The following MALRD1 variants were observed in gnomAD, a reference collection of about 807,000 sequenced individuals.
MALRD1 encodes MAM and LDL receptor class A domain containing 1.
Under a neutral mutation model 242.1 loss-of-function variants are expected in MALRD1, and 247 were observed. The observed-to-expected ratio is 1.02, with a 90% CI of 0.92 to 1.13. The LOEUF (loss-of-function observed/expected upper bound fraction) is 1.13. MALRD1 is among the 50% of genes most tolerant of loss of function. The pLI is 0.00. For synonymous variants in MALRD1, 995 were observed against 866.6 expected (o/e 1.15, Z -2.60); for missense variants, 2,989 against 2,533.1 (o/e 1.18, Z -3.86).
chr10:19,673,103 T>C (rs1053376462), intron 36 of MALRD1, among the ~76,000 whole-genome samples: 2 of 152,006 alleles, frequency 1.3e-5, no homozygotes, highest in South Asian at 4.1e-4. Flanking sequence ...TTGCCTTTGG[T>C]CGGGCGCAGT....
intron 33 of MALRD1, among the ~76,000 whole-genome samples, chr10:19,587,063 C>G (rs1370918510): frequency 2.0e-5 from 3 of 152,230 alleles, no homozygotes; most frequent in Non-Finnish European, 4.4e-5. Flanking sequence ...CCGAGTGAGG[C>G]AATGCCTCGC....
At chr10:19,224,129 C>G (rs938267382) in intron 18 of MALRD1, among the ~76,000 whole-genome samples, 1 of 152,154 alleles carries the variant, frequency 6.6e-6, no homozygotes, top group East Asian at 1.9e-4. Context: ...GCTACACTGT[C>G]TTCCACAATG....
chr10:19,080,858 C>T (rs1335460580), intron 2 of MALRD1, among the ~76,000 whole-genome samples: 1 of 152,012 alleles, frequency 6.6e-6, no homozygotes, highest in Admixed American at 6.6e-5. Context: ...AAAATGTTTT[C>T]AGTCTATTTA....
In MALRD1 at chr10:19,170,602, G is replaced by T. The variant is rs181685387; in HGVS notation, c.1831-4606G>T. Among the ~76,000 whole-genome samples the T allele has an allele frequency of 4.4e-4, 67 of 152,040 alleles. 1 individual carries two copies. In the South Asian group the frequency reaches 0.011, roughly 25 times the overall value. On this transcript the variant is annotated intron_variant, in intron 13 of 39. Coordinates refer to ENST00000454679, the MANE Select transcript of MALRD1 (RefSeq NM_001142308.3). Reference sequence around the variant, plus strand: ...TGATCGAGTCTCCGTAAAGTTGCTGGGTCCTTGGCCTGCTTAATCTAGAGC... The same window carrying T: ...TGATCGAGTCTCCGTAAAGTTGCTGTGTCCTTGGCCTGCTTAATCTAGAGC...
At chr10:19,094,437 G>A (rs1158653718) in intron 4 of MALRD1, among the ~76,000 whole-genome samples, 11 of 147,790 alleles carry the variant, frequency 7.4e-5, no homozygotes, top group African/African-American at 1.5e-4. Flanking sequence ...GCAATGCCTC[G>A]CCCTGCTTCG....
chr10:19,409,116 G>A (rs1589035450), intron 28 of MALRD1, among the ~76,000 whole-genome samples: 1 of 152,306 alleles, frequency 6.6e-6, no homozygotes, highest in Admixed American at 6.5e-5. Context: ...TAAATAAATT[G>A]TGGTACATCC....
chr10:19,173,881 C>T (rs577389369), intron 13 of MALRD1, among the ~76,000 whole-genome samples: 24 of 152,140 alleles, frequency 1.6e-4, no homozygotes, highest in South Asian at 2.1e-4. Flanking sequence ...ATGTATCATA[C>T]GAAGTGTAGG....
At chr10:19,318,158 TAA>T (rs1444269825) in intron 21 of MALRD1, among the ~76,000 whole-genome samples, 1 of 152,036 alleles carries the variant, frequency 6.6e-6, no homozygotes, top group Non-Finnish European at 1.5e-5. Context: ...TATGCTTGAA[TAA>T]TCTCATTGCA....
intron 28 of MALRD1, among the ~76,000 whole-genome samples, chr10:19,396,141 CTTTTT>C (rs71387076): frequency 1.1e-4 from 11 of 103,934 alleles, no homozygotes; most frequent in Non-Finnish European, 1.8e-4. Flanking sequence ...TTTTTTTTTT[CTTTTT>C]TTTTTTTTTT....
intron 28 of MALRD1, among the ~76,000 whole-genome samples, chr10:19,411,895 G>C (rs1372956694): frequency 1.3e-5 from 2 of 152,214 alleles, no homozygotes. Context: ...TGTGTAAGCT[G>C]TTAAAAAATT....
intron 29 of MALRD1, among the ~76,000 whole-genome samples, chr10:19,461,699 G>A (rs1167479575): frequency 6.6e-6 from 1 of 151,916 alleles, no homozygotes; most frequent in Non-Finnish European, 1.5e-5. Context: ...TTAAAAATTG[G>A]CTGGTGTGGT....
intron 4 of MALRD1, among the ~76,000 whole-genome samples, chr10:19,095,022 C>G (rs1408601315): frequency 6.6e-6 from 1 of 152,084 alleles, no homozygotes; most frequent in Non-Finnish European, 1.5e-5. Flanking sequence ...CTCTGTGAGT[C>G]AATTTAACCC....
chr10:19,245,515 C>T (rs1276399748), intron 18 of MALRD1, among the ~76,000 whole-genome samples: 1 of 152,094 alleles, frequency 6.6e-6, no homozygotes, highest in East Asian at 1.9e-4. Context: ...TCTCAGTTAC[C>T]AGGTCAAGTA....
chr10:19,388,604 A>T (rs1003922575), intron 27 of MALRD1, among the ~76,000 whole-genome samples: 6 of 152,196 alleles, frequency 3.9e-5, no homozygotes, highest in African/African-American at 1.4e-4. Context: ...AAGAGAAAAG[A>T]GTTTGAAACC....
chr10:19,074,135 G>A lies in MALRD1; in HGVS notation c.340+7276G>A, dbSNP rs191534221. ...ATGTCAAGAATTATGTCCTCCAAAGGTTACTAATTTTTCTCACCTGAACTG... is the reference window on the plus strand; with the variant it reads ...ATGTCAAGAATTATGTCCTCCAAAGATTACTAATTTTTCTCACCTGAACTG... On this transcript the variant is annotated intron_variant, in intron 2 of 39. Coordinates refer to ENST00000454679, the MANE Select transcript of MALRD1 (RefSeq NM_001142308.3). Among the ~76,000 whole-genome samples the A allele has an allele frequency of 2.8e-3, 430 of 152,138 alleles. 5 individuals carry two copies. Among genetic ancestry groups the A allele is most frequent in the Middle Eastern group, 0.01 (3 of 294 alleles).
chr10:19,680,380 A>G (rs944413224), intron 36 of MALRD1, among the ~76,000 whole-genome samples: 3 of 152,100 alleles, frequency 2.0e-5, no homozygotes, highest in Non-Finnish European at 4.4e-5. Flanking sequence ...TGACCCCTTT[A>G]CCATTATGTA....
At chr10:19,546,481 T>A (rs78758863) in intron 32 of MALRD1, among the ~76,000 whole-genome samples, 2,297 of 152,334 alleles carry the variant, frequency 0.015, 58 homozygotes, top group African/African-American at 0.052. Flanking sequence ...TTGTCTGTTC[T>A]GGGTACAAAT....
intron 36 of MALRD1, among the ~76,000 whole-genome samples, chr10:19,630,893 T>G (rs1839866977): frequency 6.6e-6 from 1 of 152,162 alleles, no homozygotes; most frequent in Admixed American, 6.6e-5. Flanking sequence ...TATATAAAAC[T>G]AAATTAGTCA....
At chr10:19,346,745 G>C (rs1844146420) in intron 24 of MALRD1, among the ~76,000 whole-genome samples, 1 of 152,112 alleles carries the variant, frequency 6.6e-6, no homozygotes, top group Non-Finnish European at 1.5e-5. Context: ...CTACCTCCTG[G>C]GTTCAAGCAA....
Sources: allele counts gnomAD v4.1 joint callset (sites outside exome capture counted in the v4.1 genomes callset), GRCh38; gene constraint gnomAD v4.1.1; transcripts MANE v1.5; gene names NCBI Gene and HGNC (gene_info 2026-07-23, HGNC 2026-07-21).